Variants in CTBP2 observed in about 807,000 individuals in gnomAD.
The protein encoded by CTBP2 is C-terminal binding protein 2.
A neutral mutation model predicts 80.3 loss-of-function variants in CTBP2; 30 were observed. The ratio of observed to expected loss-of-function variants is 0.37; its 90% CI spans 0.28 to 0.51. The LOEUF (loss-of-function observed/expected upper bound fraction) is 0.51, where lower values mean the gene tolerates loss of function less well. Ranked by LOEUF, CTBP2 falls within the 20% of genes least tolerant of loss-of-function variation. The pLI, the probability that CTBP2 is intolerant of heterozygous loss-of-function variation, is 0.93. For missense variants in CTBP2, 1,212 were observed against 1,375.3 expected (o/e 0.88, Z 1.88); for synonymous variants, 594 against 587.4 (o/e 1.01, Z -0.16).
chr10:125,117,831 T>C (rs754391737), intron 1 of CTBP2, among the ~76,000 whole-genome samples: 6 of 152,232 alleles, frequency 3.9e-5, no homozygotes, highest in Non-Finnish European at 8.8e-5. Flanking sequence ...ATTCTTTCCA[T>C]GTCCCTATAC....
chr10:125,151,445 G>A (rs1233654339), intron 1 of CTBP2, among the ~76,000 whole-genome samples: 1 of 152,172 alleles, frequency 6.6e-6, no homozygotes, highest in Non-Finnish European at 1.5e-5. Context: ...TGCGCTATTT[G>A]TACTACAAGG....
intron 1 of CTBP2, among the ~76,000 whole-genome samples, chr10:125,013,762 C>T (rs1404181058): frequency 6.6e-6 from 1 of 152,166 alleles, no homozygotes; most frequent in Admixed American, 6.5e-5. Context: ...CTCTCTGACA[C>T]CAGAGACCAA....
intron 3 of CTBP2, chr10:124,998,883 C>G (rs56014807): frequency 0.22 from 33,772 of 154,292 alleles, 4,063 homozygotes; most frequent in East Asian, 0.4. Flanking sequence ...TGGCCCCACA[C>G]GAGCTGCAGA....
intron 1 of CTBP2, among the ~76,000 whole-genome samples, chr10:125,149,505 T>C (rs1042975987): frequency 9.9e-5 from 15 of 152,048 alleles, no homozygotes; most frequent in Admixed American, 6.5e-5. Flanking sequence ...TCCCAGCACT[T>C]CCTTGAGTCA....
intron 2 of CTBP2, among the ~76,000 whole-genome samples, chr10:125,077,272 T>C (rs894848407): frequency 3.3e-5 from 5 of 152,188 alleles, no homozygotes; most frequent in African/African-American, 1.2e-4. Flanking sequence ...AAAAGCCACA[T>C]TTTCAAGACA....
intron 1 of CTBP2, among the ~76,000 whole-genome samples, chr10:125,126,923 ATTCT>A (rs1192442701): frequency 1.6e-3 from 219 of 132,746 alleles, no homozygotes; most frequent in African/African-American, 6.8e-3. Flanking sequence ...ACACACACAC[ATTCT>A]CTCTCTCTCT....
intron 5 of CTBP2, 142 bp from the exon 8 acceptor site, chr10:124,994,127 G>T: frequency 8.6e-7 from 1 of 1,164,726 alleles, no homozygotes; most frequent in Non-Finnish European, 1.2e-6. Context: ...GGAAGGGAGT[G>T]GGAAGTGTTG....
intron 8 of CTBP2, 52 bp downstream of exon 10, chr10:124,992,636 TCCCTGGC>T (rs1952836209): frequency 7.6e-7 from 1 of 1,314,182 alleles, no homozygotes; most frequent in Admixed American, 2.3e-5. Flanking sequence ...TGGGCTTCTC[TCCCTGGC>T]CCCGGGGCCG....
intron 1 of CTBP2, among the ~76,000 whole-genome samples, chr10:125,013,005 C>T (rs960405781): frequency 2.1e-4 from 32 of 152,180 alleles, no homozygotes; most frequent in African/African-American, 7.7e-4. Context: ...TTGGGAGGTG[C>T]CCACCTCGCC....
At chr10:125,158,937 C>T (rs906557765) in intron 1 of CTBP2, among the ~76,000 whole-genome samples, 1 of 151,942 alleles carries the variant, frequency 6.6e-6, no homozygotes, top group Non-Finnish European at 1.5e-5. Flanking sequence ...TCGGCGCGGC[C>T]CGCGGTGACC....
intron 2 of CTBP2, among the ~76,000 whole-genome samples, chr10:125,067,721 G>T (rs1486175281): frequency 1.3e-5 from 2 of 152,172 alleles, no homozygotes; most frequent in Admixed American, 6.5e-5. Flanking sequence ...GTAAGTTATA[G>T]CAAGTGTCAG....
At chr10:125,053,878 A>T (rs535311027) in intron 2 of CTBP2, among the ~76,000 whole-genome samples, 2 of 152,212 alleles carry the variant, frequency 1.3e-5, no homozygotes, top group East Asian at 3.9e-4. Context: ...GAAACCAGGG[A>T]CCCGGCAGAG....
chr10:125,073,944 G>A (rs1845905365), intron 2 of CTBP2, among the ~76,000 whole-genome samples: 1 of 152,188 alleles, frequency 6.6e-6, no homozygotes, highest in Admixed American at 6.5e-5. Flanking sequence ...TGGAAACCGT[G>A]AACCCTGATC....
intron 2 of CTBP2, among the ~76,000 whole-genome samples, chr10:125,091,232 T>C (rs115197823): frequency 1.4e-4 from 21 of 152,300 alleles, no homozygotes; most frequent in African/African-American, 4.6e-4. Context: ...ATGCACAATC[T>C]GCCATATCGA....
At chr10:125,106,952 C>G (rs1220347873) in intron 2 of CTBP2, among the ~76,000 whole-genome samples, 1 of 152,206 alleles carries the variant, frequency 6.6e-6, no homozygotes, top group East Asian at 1.9e-4. Context: ...GGGGAATGGA[C>G]GGGGTGATCT....
intron 1 of CTBP2, chr10:125,133,430 A>C (rs1459761610): frequency 6.6e-6 from 1 of 152,188 alleles, no homozygotes; most frequent in Admixed American, 6.5e-5. Context: ...CTCAGCAAAG[A>C]GTTTCACAAA....
At chr10:125,082,350 G>A (rs947669485) in intron 2 of CTBP2, among the ~76,000 whole-genome samples, 2 of 152,204 alleles carry the variant, frequency 1.3e-5, no homozygotes, top group Admixed American at 6.5e-5. Context: ...TCACCTTGGA[G>A]ATGCTGCCCT....
In CTBP2 at chr10:125,098,750, CAGAGAGAG is replaced by C. The variant is rs1265217140; in HGVS notation, c.-102+12232_-102+12239del. ...AGAGAGAGAGAGAGAGAGAGAGAGA[CAGAGAGAG>C]AGAGAGAGAGAGAGAGAGAGACAGA... On this transcript the variant is annotated intron_variant, in intron 2 of 10. Coordinates refer to the CTBP2 transcript ENST00000337195. Among the ~76,000 whole-genome samples the C allele has an allele frequency of 1.9e-4, 14 of 75,502 alleles. No homozygotes were observed. In the South Asian group the frequency reaches 2.7e-3, roughly 15 times the overall value. 49.5% of individuals were successfully genotyped at this position (75,502 alleles called of 152,430 possible). A position where few individuals can be genotyped will look rare whatever the true frequency, so the allele number is the denominator to read the frequency against.
intron 1 of CTBP2, among the ~76,000 whole-genome samples, chr10:125,156,747 T>G (rs1179283109): frequency 1.3e-5 from 2 of 152,228 alleles, no homozygotes; most frequent in South Asian, 4.1e-4. Context: ...ATTTTCTGGT[T>G]TTGTTGTTTG....
Sources: allele counts gnomAD v4.1 joint callset (sites outside exome capture counted in the v4.1 genomes callset), GRCh38; gene constraint gnomAD v4.1.1; transcripts MANE v1.5; gene names NCBI Gene and HGNC (gene_info 2026-07-23, HGNC 2026-07-21).